The following RCOR1 variants were observed in gnomAD, a reference collection of about 807,000 sequenced individuals.
RCOR1 encodes REST corepressor.
Under a neutral mutation model 64.0 loss-of-function variants are expected in RCOR1, and 12 were observed. The observed-to-expected ratio is 0.19, with a 90% CI of 0.12 to 0.30. The LOEUF (loss-of-function observed/expected upper bound fraction) is 0.30. Ranked by LOEUF, RCOR1 falls within the 10% of genes least tolerant of loss-of-function variation. The pLI is 1.00. For missense variants in RCOR1, 502 were observed against 621.2 expected (o/e 0.81, Z 2.04); for synonymous variants, 279 against 227.2 (o/e 1.23, Z -2.05).
chr14:102,676,845 C>T, intron 2 of RCOR1, among the ~76,000 whole-genome samples: 1 of 94,216 alleles, frequency 1.1e-5, no homozygotes, highest in Non-Finnish European at 2.1e-5. Context: ...GGGCGGCTGG[C>T]CGGGCGAGGG....
intron 2 of RCOR1, among the ~76,000 whole-genome samples, chr14:102,632,791 C>T (rs1258188684): frequency 1.7e-5 from 2 of 117,908 alleles, no homozygotes; most frequent in Non-Finnish European, 3.4e-5. Flanking sequence ...TCTCCTCTCT[C>T]CTCTCTCGTC....
chr14:102,679,090 C>T (rs912473180), intron 2 of RCOR1, among the ~76,000 whole-genome samples: 4 of 152,138 alleles, frequency 2.6e-5, no homozygotes, highest in Admixed American at 2.0e-4. Flanking sequence ...TCAACAGTGC[C>T]TTTTGCAGAG....
At chr14:102,703,756 A>G (rs1483535228) in intron 4 of RCOR1, among the ~76,000 whole-genome samples, 2 of 152,250 alleles carry the variant, frequency 1.3e-5, no homozygotes, top group Non-Finnish European at 2.9e-5. Flanking sequence ...CATCAAGCCC[A>G]TGAATAAAAA....
chr14:102,657,418 T>G (rs192902068), intron 2 of RCOR1: 1 of 985,138 alleles, frequency 1.0e-6, no homozygotes, highest in Non-Finnish European at 1.2e-6. Context: ...TCTGATGATG[T>G]TTTTGTTGCT....
chr14:102,673,490 C>T (rs947766904), intron 2 of RCOR1, among the ~76,000 whole-genome samples: 1 of 151,680 alleles, frequency 6.6e-6, no homozygotes, highest in Non-Finnish European at 1.5e-5. Flanking sequence ...TCGCCCACTA[C>T]CATGCCCGGC....
At chr14:102,656,584 C>T (rs758511431) in intron 2 of RCOR1, among the ~76,000 whole-genome samples, 2 of 151,992 alleles carry the variant, frequency 1.3e-5, no homozygotes, top group Non-Finnish European at 2.9e-5. Context: ...TCTCCTGTTC[C>T]AGCCTCCTAG....
rs1255382619 is a variant in RCOR1 at position 102,653,979 on chromosome 14, C to CT, written c.362-27913dup. On this transcript the variant is annotated intron_variant, in intron 2 of 11. Coordinates refer to ENST00000262241, the MANE Select transcript of RCOR1 (RefSeq NM_015156.4). ...TCTTTCTTTCTTTCTTTCTTTCTTT[C>CT]TTTCTTTTTTTTTTTTTTTTTTTTG... 4.5e-4 allele frequency among the ~76,000 whole-genome samples: 10 copies of CT among 22,072 alleles called. 1 individual carries two copies. Among genetic ancestry groups the CT allele is most frequent in the African/African-American group, 1.3e-3 (6 of 4,558 alleles). 14.5% of individuals were successfully genotyped at this position (22,072 alleles called of 152,430 possible).
chr14:102,682,069 A>T (rs2139961141), intron 3 of RCOR1, 91 bp downstream of exon 3: 1 of 690,088 alleles, frequency 1.4e-6, no homozygotes, highest in African/African-American at 1.8e-5. Context: ...ATATGTATTA[A>T]ATTTCTTTTC....
intron 2 of RCOR1, among the ~76,000 whole-genome samples, chr14:102,658,307 C>A (rs1175586643): frequency 6.6e-6 from 1 of 151,814 alleles, no homozygotes; most frequent in African/African-American, 2.4e-5. Context: ...TGGCCAGGTG[C>A]GGTGGCTTTA....
chr14:102,644,989 AG>A (rs1250533228), intron 2 of RCOR1, among the ~76,000 whole-genome samples: 2 of 152,110 alleles, frequency 1.3e-5, no homozygotes, highest in African/African-American at 2.4e-5. Context: ...GTAGTTTTGG[AG>A]GAACAAAAAA....
intron 2 of RCOR1, among the ~76,000 whole-genome samples, chr14:102,610,345 A>G (rs1893603503): frequency 6.6e-6 from 1 of 152,134 alleles, no homozygotes; most frequent in Non-Finnish European, 1.5e-5. Flanking sequence ...ACATATAACT[A>G]TTGAAATTTA....
At chr14:102,679,012 T>C (rs1399679412) in intron 2 of RCOR1, among the ~76,000 whole-genome samples, 3 of 152,258 alleles carry the variant, frequency 2.0e-5, no homozygotes, top group South Asian at 2.1e-4. Context: ...GTTCTTTATG[T>C]ATTCTGGATA....
intron 2 of RCOR1, among the ~76,000 whole-genome samples, chr14:102,640,668 G>A (rs1894349218): frequency 2.0e-5 from 3 of 152,212 alleles, no homozygotes; most frequent in Admixed American, 6.5e-5. Context: ...CACCTTATCT[G>A]ATTGTAATTT....
At chr14:102,677,250 G>A (rs1895197300) in intron 2 of RCOR1, among the ~76,000 whole-genome samples, 3 of 121,576 alleles carry the variant, frequency 2.5e-5, no homozygotes, top group African/African-American at 7.0e-5. Context: ...GGCTGGCCGG[G>A]CAGAGGGGCT....
Position 102,593,782 on chromosome 14 carries a change from C to T in RCOR1, c.361+457C>T, listed in dbSNP as rs138454670. Among the ~76,000 whole-genome samples, 642 of 152,314 alleles carry T rather than the reference C, an allele frequency of 4.2e-3. 5 individuals are homozygous for T. Among genetic ancestry groups the T allele is most frequent in the African/African-American group, 0.015 (603 of 41,584 alleles). On this transcript the variant is annotated intron_variant, in intron 2 of 11. Coordinates refer to ENST00000262241, the MANE Select transcript of RCOR1 (RefSeq NM_015156.4). ...TGCTCCCCACGCCTTTGCTCCTCCT[C>T]TCAGCCTCTGGGCTCTTGCTGGCTC...
chr14:102,642,723 G>C (rs1262181149), intron 2 of RCOR1, among the ~76,000 whole-genome samples: 1 of 152,036 alleles, frequency 6.6e-6, no homozygotes, highest in African/African-American at 2.4e-5. Flanking sequence ...ATGGTCCCAG[G>C]TACTCGGGAT....
chr14:102,632,934 C>G (rs949605660), intron 2 of RCOR1, among the ~76,000 whole-genome samples: 1 of 151,470 alleles, frequency 6.6e-6, no homozygotes, highest in African/African-American at 2.4e-5. Context: ...ACTTCAGCCT[C>G]CTGAGTAGCT....
intron 2 of RCOR1, among the ~76,000 whole-genome samples, chr14:102,612,599 G>T (rs1402830629): frequency 6.6e-6 from 1 of 152,072 alleles, no homozygotes; most frequent in African/African-American, 2.4e-5. Flanking sequence ...GCCTCCCAAA[G>T]TGGTGGGATT....
chr14:102,613,990 G>C (rs981024550), intron 2 of RCOR1, among the ~76,000 whole-genome samples: 2 of 147,642 alleles, frequency 1.4e-5, no homozygotes, highest in African/African-American at 2.6e-5. Context: ...CTGCCTCCCA[G>C]GTTTAAGGGA....
Sources: allele counts gnomAD v4.1 joint callset (sites outside exome capture counted in the v4.1 genomes callset), GRCh38; gene constraint gnomAD v4.1.1; transcripts MANE v1.5; gene names NCBI Gene and HGNC (gene_info 2026-07-23, HGNC 2026-07-21).